The following SULF2 variants were observed in gnomAD, a reference collection of about 807,000 sequenced individuals.
SULF2 encodes sulfatase 2.
Under a neutral mutation model 107.7 loss-of-function variants are expected in SULF2, and 52 were observed. The ratio of observed to expected loss-of-function variants is 0.48; its 90% confidence interval spans 0.39 to 0.61. The LOEUF is 0.61. Ranked by LOEUF, SULF2 falls within the 20% of genes least tolerant of loss-of-function variation. SULF2 has a pLI of 0.00. For missense variants in SULF2, 993 were observed against 1,177.3 expected (o/e 0.84, Z 2.29); for synonymous variants, 460 against 464.3 (o/e 0.99, Z 0.12).
Position 47,678,448 on chromosome 20 carries a change from G to A in SULF2, c.1193+228C>T, listed in dbSNP as rs1276534100. The A allele has an allele frequency of 1.8e-6, 1 of 570,276 alleles. No individual in the cohort carries two copies. The highest frequency in any genetic ancestry group is 1.9e-5 in the African/African-American group (1 of 53,876). The allele number at this position is 570,276 out of a possible 1,614,324, so 35.3% of individuals were successfully genotyped here. A position where few individuals can be genotyped will look rare whatever the true frequency, so the allele number is the denominator to read the frequency against. On this transcript the variant is annotated intron_variant, in intron 8 of 20. Coordinates refer to ENST00000688720, the MANE Select transcript of SULF2 (RefSeq NM_001387048.1). The surrounding 1 kb of genome is among the most constrained non-coding windows in gnomAD (Gnocchi z 4.5). The stretch of plus-strand genomic sequence containing the variant: ...AAGCTTTGGGTAATTTTAGCTCAGA[G>A]AAGGTCCCCAACTGGTCACCTTGGC...
intron 1 of SULF2, among the ~76,000 whole-genome samples, chr20:47,765,684 G>T (rs1024462982): frequency 6.6e-6 from 1 of 152,166 alleles, no homozygotes; most frequent in Non-Finnish European, 1.5e-5. Context: ...AATCCTGCCC[G>T]ATTACAACAG....
chr20:47,691,885 CTT>C (rs2088208403), intron 4 of SULF2, among the ~76,000 whole-genome samples: 1 of 152,108 alleles, frequency 6.6e-6, no homozygotes. Flanking sequence ...TGCCTATACT[CTT>C]TAATTTTTTT....
At chr20:47,752,767 T>C (rs1168839797) in intron 2 of SULF2, among the ~76,000 whole-genome samples, 2 of 148,350 alleles carry the variant, frequency 1.3e-5, no homozygotes, top group Non-Finnish European at 3.0e-5. Context: ...TATAAACAAA[T>C]AAAAATAAAG....
chr20:47,767,163 T>C (rs571077819), intron 1 of SULF2, among the ~76,000 whole-genome samples: 198 of 152,312 alleles, frequency 1.3e-3, no homozygotes, highest in Non-Finnish European at 2.5e-3. Flanking sequence ...ACCTCTTGTC[T>C]TCTCAGTGAC....
At chr20:47,767,199 C>A (rs970457913) in intron 1 of SULF2, among the ~76,000 whole-genome samples, 28 of 152,234 alleles carry the variant, frequency 1.8e-4, no homozygotes, top group Non-Finnish European at 2.8e-4. Flanking sequence ...AGGACACCTA[C>A]AAGCACTTGC....
At chr20:47,660,511 C>T (rs897595104) in intron 18 of SULF2, among the ~76,000 whole-genome samples, 1 of 152,202 alleles carries the variant, frequency 6.6e-6, no homozygotes. Flanking sequence ...AGTCCCTTCC[C>T]CAAGGGACCT....
intron 1 of SULF2, among the ~76,000 whole-genome samples, chr20:47,775,731 G>C (rs1289589484): frequency 2.0e-5 from 3 of 152,222 alleles, no homozygotes; most frequent in Non-Finnish European, 4.4e-5. Flanking sequence ...TCCTGTTCTA[G>C]TGAGGGCATC....
chr20:47,766,129 C>T (rs1409802899), intron 1 of SULF2, among the ~76,000 whole-genome samples: 1 of 152,194 alleles, frequency 6.6e-6, no homozygotes, highest in Non-Finnish European at 1.5e-5. Flanking sequence ...TGGTCCCAAA[C>T]CTCACAAGCC....
intron 5 of SULF2, 115 bp from the exon 6 acceptor site, chr20:47,684,696 G>T: frequency 9.5e-7 from 1 of 1,057,344 alleles, no homozygotes; most frequent in Non-Finnish European, 1.4e-6. Context: ...GCAGCCCAGG[G>T]CCAGGTGTGA....
intron 2 of SULF2, among the ~76,000 whole-genome samples, chr20:47,745,458 CACAT>C (rs145390100): frequency 0.52 from 21,124 of 40,246 alleles, 4,346 homozygotes; most frequent in East Asian, 0.68. Context: ...TATATATATA[CACAT>C]ACACACACAC....
intron 4 of SULF2, among the ~76,000 whole-genome samples, chr20:47,692,213 T>C (rs4810655): frequency 0.99 from 151,289 of 152,342 alleles, 75,130 homozygotes; most frequent in Middle Eastern, 1. Flanking sequence ...GGTGAAGAGG[T>C]GTCTACAGCT....
intron 2 of SULF2, among the ~76,000 whole-genome samples, chr20:47,741,695 A>G (rs1393896023): frequency 6.6e-6 from 1 of 152,146 alleles, no homozygotes; most frequent in African/African-American, 2.4e-5. Flanking sequence ...AGTCCCAAAC[A>G]CGAAGGAGAA....
intron 2 of SULF2, 76 bp from the exon 3 acceptor site, chr20:47,737,018 T>G (rs2089750722): frequency 1.3e-6 from 2 of 1,594,806 alleles, no homozygotes; most frequent in African/African-American, 2.7e-5. Context: ...TCTCAGCACG[T>G]GGCATCCCTA....
chr20:47,761,610 G>T (rs10211688), intron 1 of SULF2, among the ~76,000 whole-genome samples: 29,210 of 152,152 alleles, frequency 0.19, 3,744 homozygotes, highest in African/African-American at 0.36. Flanking sequence ...GCGTGCCCTC[G>T]CGCTCGCACT....
rs145510759 is a variant in SULF2 at position 47,734,537 on chromosome 20, A to T, written c.415+2166T>A. On this transcript the variant is annotated intron_variant, in intron 3 of 20. Transcript: ENST00000688720. ...ACATTTCCACTTTAAACAACAACTC[A>T]ATATAAAACTCAAACCTGAGCTTCC... 7.1e-3 allele frequency among the ~76,000 whole-genome samples: 1,087 copies of T among 152,346 alleles called. 12 individuals are homozygous for T. The highest frequency in any genetic ancestry group is 0.037 in the Middle Eastern group (11 of 294).
Position 47,702,499 on chromosome 20 carries a change from C to T in SULF2, c.567+20G>A. ...GCTGGGCCACACAGCCACTCCCAGG[C>T]TGGAAAGGTTGCAGCTTACCTTGGA... On this transcript the variant is annotated intron_variant, in intron 4 of 20. Coordinates refer to ENST00000688720, the MANE Select transcript of SULF2 (RefSeq NM_001387048.1). 6.2e-7 allele frequency: 1 copy of T among 1,608,058 alleles called. No individual in the cohort carries two copies. Among genetic ancestry groups the T allele is most frequent in the Non-Finnish European group, 8.5e-7 (1 of 1,177,306 alleles).
In SULF2 at chr20:47,700,444, T is replaced by C. The variant is rs1203186665; in HGVS notation, c.567+2075A>G. The stretch of plus-strand genomic sequence containing the variant: ...AAGCTACTACATACTGAGTATTTAC[T>C]ACGTGCAAGGGGCGCTTCTAATGTT... On this transcript the variant is annotated intron_variant, in intron 4 of 20. Coordinates refer to ENST00000688720, the MANE Select transcript of SULF2 (RefSeq NM_001387048.1). 5.3e-5 allele frequency among the ~76,000 whole-genome samples: 8 copies of C among 152,306 alleles called. No homozygotes were observed. The East Asian group carries it at 1.4e-3, about 26-fold the overall frequency.
intron 2 of SULF2, among the ~76,000 whole-genome samples, chr20:47,741,696 C>A (rs572652361): frequency 1.3e-5 from 2 of 152,276 alleles, no homozygotes; most frequent in Admixed American, 1.3e-4. Flanking sequence ...GTCCCAAACA[C>A]GAAGGAGAAA....
At chr20:47,670,520 T>C (rs1170677477) in intron 11 of SULF2, among the ~76,000 whole-genome samples, 5 of 150,268 alleles carry the variant, frequency 3.3e-5, no homozygotes, top group Non-Finnish European at 4.4e-5. Flanking sequence ...CAGGCTACCA[T>C]GTGGATGAAC....
Sources: allele counts gnomAD v4.1 joint callset (sites outside exome capture counted in the v4.1 genomes callset), GRCh38; gene constraint gnomAD v4.1.1; non-coding constraint Gnocchi (gnomAD v3.1); transcripts MANE v1.5; gene names NCBI Gene and HGNC (gene_info 2026-07-23, HGNC 2026-07-21).